Variants in USH2A observed in about 807,000 individuals in gnomAD.
USH2A encodes the protein usherin.
Under a neutral mutation model 538.9 loss-of-function variants are expected in USH2A, and 443 were observed. That is an observed-to-expected ratio of 0.82 (90% CI 0.76 to 0.89). The LOEUF (loss-of-function observed/expected upper bound fraction) is 0.89, where lower values mean the gene tolerates loss of function less well. USH2A is among the 40% of genes least tolerant of loss of function. The pLI, the probability that USH2A is intolerant of heterozygous loss-of-function variation, is 0.00. For synonymous variants in USH2A, 2,413 were observed against 2,273.5 expected (o/e 1.06, Z -1.75); for missense variants, 6,633 against 6,324.8 (o/e 1.05, Z -1.65).
intron 61 of USH2A, among the ~76,000 whole-genome samples, chr1:215,724,238 C>G (rs192283554): frequency 0.086 from 12,395 of 143,818 alleles, 712 homozygotes; most frequent in Non-Finnish European, 0.12. Context: ...CACACACACA[C>G]ACACACACAC....
chr1:216,210,724 T>C (rs2035221576), intron 15 of USH2A, among the ~76,000 whole-genome samples: 1 of 152,066 alleles, frequency 6.6e-6, no homozygotes, highest in South Asian at 2.1e-4. Flanking sequence ...GTCATGCCTA[T>C]CCAATGAAGT....
At chr1:215,665,992 C>T (rs1657591607) in intron 64 of USH2A, among the ~76,000 whole-genome samples, 1 of 152,250 alleles carries the variant, frequency 6.6e-6, no homozygotes, top group African/African-American at 2.4e-5. Flanking sequence ...TAATGGGACC[C>T]TGCAGTGCAC....
intron 38 of USH2A, among the ~76,000 whole-genome samples, chr1:215,911,692 C>T (rs1330803717): frequency 1.3e-5 from 2 of 151,990 alleles, no homozygotes; most frequent in Non-Finnish European, 2.9e-5. Flanking sequence ...ATTTCTTCAA[C>T]ATACTGATTT....
chr1:215,752,894 T>C (rs1277237108), intron 58 of USH2A, among the ~76,000 whole-genome samples: 1 of 151,902 alleles, frequency 6.6e-6, no homozygotes, highest in Non-Finnish European at 1.5e-5. Flanking sequence ...TGGAAGAAAA[T>C]TTTTGCATTC....
At chr1:216,401,004 A>G (rs1558072163) in intron 3 of USH2A, among the ~76,000 whole-genome samples, 1 of 152,144 alleles carries the variant, frequency 6.6e-6, no homozygotes, top group Non-Finnish European at 1.5e-5. Flanking sequence ...AAATAAGAAT[A>G]TCAGAATGAA....
At chr1:215,788,842 G>A (rs189728739) in intron 51 of USH2A, among the ~76,000 whole-genome samples, 3 of 152,090 alleles carry the variant, frequency 2.0e-5, no homozygotes, top group South Asian at 4.2e-4. Flanking sequence ...TATACATTAA[G>A]CTTTTAAAAA....
intron 30 of USH2A, among the ~76,000 whole-genome samples, chr1:216,064,330 A>C (rs1186599715): frequency 6.6e-6 from 1 of 152,116 alleles, no homozygotes; most frequent in Admixed American, 6.6e-5. Flanking sequence ...ATCACAGGGC[A>C]TACTCATACA....
intron 47 of USH2A, among the ~76,000 whole-genome samples, chr1:215,836,518 AATATATAT>A (rs1558120097): frequency 0.017 from 444 of 26,326 alleles, 53 homozygotes; most frequent in Admixed American, 0.047. Context: ...ATATATATAT[AATATATAT>A]TATATATATA....
chr1:215,734,476 C>G (rs1660097620), intron 60 of USH2A, among the ~76,000 whole-genome samples: 1 of 152,172 alleles, frequency 6.6e-6, no homozygotes, highest in Admixed American at 6.5e-5. Context: ...ATGCTAGTCT[C>G]TCTTGAAAGT....
chr1:216,028,296 G>A (rs1338939396), intron 32 of USH2A, among the ~76,000 whole-genome samples: 2 of 152,066 alleles, frequency 1.3e-5, no homozygotes, highest in Non-Finnish European at 2.9e-5. Flanking sequence ...ACTAAGGCAG[G>A]AGAATGGCTT....
intron 3 of USH2A, among the ~76,000 whole-genome samples, chr1:216,408,462 A>C (rs1054442970): frequency 7.2e-5 from 11 of 152,300 alleles, no homozygotes; most frequent in African/African-American, 2.6e-4. Context: ...CTATACATAC[A>C]TACCCAAGAT....
intron 11 of USH2A, among the ~76,000 whole-genome samples, chr1:216,279,867 G>A (rs1014667947): frequency 5.3e-5 from 8 of 151,934 alleles, no homozygotes; most frequent in African/African-American, 1.2e-4. Flanking sequence ...GACTTTCACC[G>A]GTCTCCCTAC....
At chr1:215,760,223 A>C (rs1451815709) in intron 56 of USH2A, among the ~76,000 whole-genome samples, 2 of 152,156 alleles carry the variant, frequency 1.3e-5, no homozygotes, top group African/African-American at 2.4e-5. Context: ...TCAACAAATG[A>C]GTGCACTTTC....
intron 61 of USH2A, among the ~76,000 whole-genome samples, chr1:215,722,631 T>A (rs913682925): frequency 6.6e-6 from 1 of 152,202 alleles, no homozygotes; most frequent in Non-Finnish European, 1.5e-5. Context: ...GCCTGGCAAC[T>A]AGAATCTAGA....
At chr1:215,763,432 G>A (rs184555628) in intron 56 of USH2A, among the ~76,000 whole-genome samples, 88 of 152,178 alleles carry the variant, frequency 5.8e-4, no homozygotes, top group African/African-American at 1.9e-3. Context: ...AAAGGTGAGC[G>A]TTAACTGAGT....
At chr1:215,689,501 T>G (rs1298986920) in intron 61 of USH2A, among the ~76,000 whole-genome samples, 1 of 152,230 alleles carries the variant, frequency 6.6e-6, no homozygotes, top group Non-Finnish European at 1.5e-5. Context: ...TCCCTCCCCC[T>G]GAGTGCAGTC....
intron 32 of USH2A, among the ~76,000 whole-genome samples, chr1:216,039,959 A>T (rs1229603895): frequency 6.6e-6 from 1 of 151,530 alleles, no homozygotes; most frequent in African/African-American, 2.4e-5. Flanking sequence ...TGCCTATATG[A>T]TTTTACCAGA....
chr1:216,191,468 A>T (rs2034715314), intron 19 of USH2A, among the ~76,000 whole-genome samples: 1 of 151,984 alleles, frequency 6.6e-6, no homozygotes, highest in South Asian at 2.1e-4. Context: ...AACATTCAGA[A>T]ATAAAGGTGT....
chr1:215,698,523 G>T (rs1018226469), intron 61 of USH2A, among the ~76,000 whole-genome samples: 1 of 152,280 alleles, frequency 6.6e-6, no homozygotes, highest in African/African-American at 2.4e-5. Flanking sequence ...ATTCCAAGTG[G>T]TGTGAGATGG....
Sources: gnomAD v4.1 joint callset for allele counts (sites outside exome capture counted in the v4.1 genomes callset) on GRCh38, gnomAD v4.1.1 for gene constraint, MANE v1.5 for transcripts, NCBI Gene and HGNC (gene_info 2026-07-23, HGNC 2026-07-21) for gene names.